UGT1A8: variants seen among roughly 807,000 people sequenced by gnomAD.
UGT1A8 encodes the protein UDP glucuronosyltransferase family 1 member A8.
UGT1A8 carries 39 observed loss-of-function variants against 45.3 expected under a neutral mutation model. That is an observed-to-expected ratio of 0.86 (90% CI 0.67 to 1.12). UGT1A8 has a LOEUF of 1.12. Ranked by LOEUF, UGT1A8 falls within the 50% of genes most tolerant of loss-of-function variation. UGT1A8 has a pLI of 0.00. For synonymous variants in UGT1A8, 275 were observed against 249.2 expected, an observed-to-expected ratio of 1.10 and a Z score of -0.97; for missense variants, 719 against 664.9, an observed-to-expected ratio of 1.08 and a Z score of -0.90.
chr2:233,682,012 A>G (rs772323703), intron 1 of UGT1A8: 3 of 1,614,092 alleles, frequency 1.9e-6, no homozygotes, highest in Non-Finnish European at 2.5e-6. Flanking sequence ...TTGCCAAGGC[A>G]GGGAAGCTGC....
chr2:233,716,843 C>G (rs1303779141), intron 1 of UGT1A8, among the ~76,000 whole-genome samples: 1 of 152,176 alleles, frequency 6.6e-6, no homozygotes, highest in Non-Finnish European at 1.5e-5. Context: ...ATGGCTTCAG[C>G]TACCACATAT....
intron 1 of UGT1A8, among the ~76,000 whole-genome samples, chr2:233,711,702 C>A (rs1389378029): frequency 3.3e-5 from 5 of 152,302 alleles, no homozygotes; most frequent in South Asian, 2.1e-4. Context: ...AACTTCCTCC[C>A]TAAGGGAAGC....
intron 1 of UGT1A8, among the ~76,000 whole-genome samples, chr2:233,757,212 T>G (rs1174758514): frequency 1.4e-5 from 2 of 147,276 alleles, no homozygotes; most frequent in Admixed American, 1.4e-4. Context: ...CCCAGGAAGC[T>G]GCTGACCAAG....
intron 1 of UGT1A8, chr2:233,637,232 C>T: frequency 6.2e-7 from 1 of 1,613,956 alleles, no homozygotes; most frequent in Non-Finnish European, 8.5e-7. Context: ...ATTCTCCAAA[C>T]CCCTGTCACG....
intron 1 of UGT1A8, among the ~76,000 whole-genome samples, chr2:233,659,379 T>C (rs1192467156): frequency 6.6e-6 from 1 of 152,206 alleles, no homozygotes; most frequent in Non-Finnish European, 1.5e-5. Context: ...ATATTTGATA[T>C]GCTTTATGTG....
chr2:233,735,108 G>T (rs1171222877), intron 1 of UGT1A8, among the ~76,000 whole-genome samples: 1 of 152,182 alleles, frequency 6.6e-6, no homozygotes, highest in Non-Finnish European at 1.5e-5. Flanking sequence ...AATATCGACA[G>T]TGGGATGTTA....
Position 233,637,349 on chromosome 2 carries a change from A to G in UGT1A8, c.855+18787A>G, listed in dbSNP as rs770963721. 25 of 1,613,688 alleles carry G rather than the reference A, an allele frequency of 1.5e-5. No individual in the cohort carries two copies. The South Asian group carries it at 2.2e-4, about 14-fold the overall frequency. On this transcript the variant is annotated intron_variant, in intron 1 of 4. Transcript: ENST00000373450. ...AACATGATCTTCATTGGTGGTATCA[A>G]CTGTCATCAGGGAAAGCCATTGCCT...
intron 1 of UGT1A8, among the ~76,000 whole-genome samples, chr2:233,635,494 T>C (rs1352180084): frequency 6.6e-6 from 1 of 150,908 alleles, no homozygotes; most frequent in Non-Finnish European, 1.5e-5. Context: ...TCACTCACAA[T>C]TGGGAGGGCA....
intron 1 of UGT1A8, among the ~76,000 whole-genome samples, chr2:233,680,498 G>T (rs565945419): frequency 6.6e-6 from 1 of 152,146 alleles, no homozygotes. Flanking sequence ...ACCATCTTGT[G>T]CTTCTACAAG....
intron 1 of UGT1A8, 31 bp downstream of exon 1, chr2:233,618,593 A>G (rs1438402209): frequency 6.4e-7 from 1 of 1,569,342 alleles, no homozygotes; most frequent in Middle Eastern, 1.7e-4. Context: ...CACATTAGGA[A>G]TAATCTGGCT....
intron 1 of UGT1A8, chr2:233,637,467 G>C: frequency 6.7e-7 from 1 of 1,500,000 alleles, no homozygotes; most frequent in Admixed American, 2.3e-5. Flanking sequence ...TGACATTTTC[G>C]TTTGTTGCAT....
rs140613392 is a variant in UGT1A8 at position 233,768,343 on chromosome 2, G to A, written c.1199G>A (p.Arg400His). 68 of 1,614,170 alleles carry A rather than the reference G, an allele frequency of 4.2e-5. No homozygotes were observed. The highest frequency in any genetic ancestry group is 3.7e-4 in the African/African-American group (28 of 75,042). ...GGTGATCAGATGGACAATGCAAAGC[G>A]CATGGAGACTAAGGGAGCTGGAGTG... ...LFGDQMDNAK[R>H]METKGAGVTL... Residue 400 changes from arginine (R) to histidine (H), a missense_variant, in exon 4 of 5, where the codon CGC (arginine) becomes CAC (histidine). By Grantham distance (29) the Arg-to-His change is conservative. Coordinates refer to ENST00000373450, the MANE Select transcript of UGT1A8 (RefSeq NM_019076.5).
chr2:233,653,003 A>G (rs1365949817), intron 1 of UGT1A8, among the ~76,000 whole-genome samples: 1 of 152,206 alleles, frequency 6.6e-6, no homozygotes, highest in African/African-American at 2.4e-5. Context: ...CAAGGACACT[A>G]TCGAGAGAGT....
chr2:233,682,728 C>A (rs1221106268), intron 1 of UGT1A8: 2 of 1,613,700 alleles, frequency 1.2e-6, no homozygotes, highest in African/African-American at 2.7e-5. Flanking sequence ...TATCCCAAAC[C>A]CGTGATGCCC....
chr2:233,647,060 T>A (rs1008115637), intron 1 of UGT1A8, among the ~76,000 whole-genome samples: 9 of 152,216 alleles, frequency 5.9e-5, no homozygotes, highest in Non-Finnish European at 8.8e-5. Context: ...CCTCCATGGA[T>A]GGCAGCAGGC....
chr2:233,618,644 A>G (rs530807887), intron 1 of UGT1A8, 82 bp downstream of exon 1: 1 of 1,521,670 alleles, frequency 6.6e-7, no homozygotes, highest in Admixed American at 2.2e-5. Context: ...TTGTGATTTG[A>G]CATTTTCATT....
intron 1 of UGT1A8, chr2:233,755,057 C>G: frequency 7.5e-7 from 1 of 1,333,978 alleles, no homozygotes; most frequent in Non-Finnish European, 1.0e-6. Context: ...CCTCCGCCCT[C>G]GCCTCGCCAT....
chr2:233,680,886 C>T (rs2074501622), intron 1 of UGT1A8, among the ~76,000 whole-genome samples: 1 of 151,846 alleles, frequency 6.6e-6, no homozygotes, highest in African/African-American at 2.4e-5. Context: ...ATAGGGACGG[C>T]GACTCACCAC....
Position 233,692,995 on chromosome 2 carries a change from T to G in UGT1A8, c.856-74039T>G, listed in dbSNP as rs1456334017. 5.0e-6 allele frequency: 8 copies of G among 1,613,894 alleles called. No homozygotes were observed. In the African/African-American group the frequency reaches 9.3e-5, roughly 19 times the overall value. On this transcript the variant is annotated intron_variant, in intron 1 of 4. Transcript: ENST00000373450. ...TCTTTATTACCGTTGTTACTTTAACTCTTTCCAGGATGGCCTGCCTCCTTC... is the reference window on the plus strand; with the variant it reads ...TCTTTATTACCGTTGTTACTTTAACGCTTTCCAGGATGGCCTGCCTCCTTC...
Sources: allele counts gnomAD v4.1 joint callset (sites outside exome capture counted in the v4.1 genomes callset), GRCh38; gene constraint gnomAD v4.1.1; transcripts MANE v1.5; gene names NCBI Gene and HGNC (gene_info 2026-07-23, HGNC 2026-07-21).